The following PTPRD variants were observed in gnomAD, a reference collection of about 807,000 sequenced individuals.
The protein encoded by PTPRD is protein tyrosine phosphatase receptor type D.
Under a neutral mutation model 214.5 loss-of-function variants are expected in PTPRD, and 34 were observed. The ratio of observed to expected loss-of-function variants is 0.16; its 90% confidence interval spans 0.12 to 0.21. The LOEUF is 0.21. Ranked by LOEUF, PTPRD falls within the 10% of genes least tolerant of loss-of-function variation. The pLI is 1.00. For synonymous variants in PTPRD, 1,128 were observed against 845.7 expected, an observed-to-expected ratio of 1.33 and a Z score of -5.79; for missense variants, 2,545 against 2,398.7, an observed-to-expected ratio of 1.06 and a Z score of -1.27.
At chr9:9,076,289 T>C (rs898683953) in intron 10 of PTPRD, among the ~76,000 whole-genome samples, 3 of 152,170 alleles carry the variant, frequency 2.0e-5, no homozygotes, top group African/African-American at 7.2e-5. Context: ...TTCTGGATAT[T>C]AGCCCTTTGT....
chr9:8,478,523 G>A (rs894701514), intron 30 of PTPRD, among the ~76,000 whole-genome samples: 11 of 152,034 alleles, frequency 7.2e-5, no homozygotes, highest in African/African-American at 2.7e-4. Flanking sequence ...AGTATAATCT[G>A]TGTTGTGCAT....
chr9:9,985,395 C>G (rs2095674641), intron 4 of PTPRD, among the ~76,000 whole-genome samples: 1 of 152,168 alleles, frequency 6.6e-6, no homozygotes, highest in Admixed American at 6.5e-5. Flanking sequence ...ATTCTTTGAA[C>G]TGTAGCCATT....
chr9:8,378,854 A>T (rs894164689), intron 37 of PTPRD, among the ~76,000 whole-genome samples: 2 of 152,074 alleles, frequency 1.3e-5, no homozygotes, highest in Non-Finnish European at 2.9e-5. Context: ...CCTTCATACA[A>T]CTTTTGGAAA....
chr9:8,933,499 A>G (rs553570825), intron 11 of PTPRD, among the ~76,000 whole-genome samples: 2 of 152,098 alleles, frequency 1.3e-5, no homozygotes, highest in Admixed American at 6.5e-5. Flanking sequence ...GATACCAATA[A>G]CATGCTTCTC....
At chr9:10,079,773 A>G (rs2098202414) in intron 3 of PTPRD, among the ~76,000 whole-genome samples, 1 of 152,112 alleles carries the variant, frequency 6.6e-6, no homozygotes, top group Non-Finnish European at 1.5e-5. Flanking sequence ...TGTGATGTAT[A>G]CTCAGCAAAT....
chr9:9,892,942 T>C (rs2153785726), intron 5 of PTPRD, among the ~76,000 whole-genome samples: 1 of 152,142 alleles, frequency 6.6e-6, no homozygotes, highest in South Asian at 2.1e-4. Flanking sequence ...TTATGGCGTA[T>C]GTTGGGAAAA....
chr9:9,105,312 T>TGCTATGGAAGATG lies in PTPRD; in HGVS notation c.-143+77991_-143+77992insCATCTTCCATAGC, dbSNP rs751080297. On this transcript the variant is annotated intron_variant, in intron 10 of 45. Coordinates refer to ENST00000381196, the MANE Select transcript of PTPRD (RefSeq NM_002839.4). ...CCTTTCATACCTCTTCCATAGCTTT[T>TGCTATGGAAGATG]CAATGATTATGCATTGTTGATTTTG... is the stretch of plus-strand genomic sequence containing the variant. 1.6e-3 allele frequency among the ~76,000 whole-genome samples: 238 copies of TGCTATGGAAGATG among 151,068 alleles called. 1 individual carries two copies. The highest frequency in any genetic ancestry group is 3.4e-3 in the Admixed American group (51 of 14,930).
intron 8 of PTPRD, among the ~76,000 whole-genome samples, chr9:9,544,268 T>C (rs1424583425): frequency 6.6e-6 from 1 of 151,694 alleles, no homozygotes; most frequent in African/African-American, 2.4e-5. Flanking sequence ...CCATTTGTAA[T>C]ATTAATTTCT....
chr9:10,292,193 A>T (rs2095546506), intron 3 of PTPRD, among the ~76,000 whole-genome samples: 1 of 152,042 alleles, frequency 6.6e-6, no homozygotes, highest in Non-Finnish European at 1.5e-5. Flanking sequence ...CAAGTAAAAG[A>T]TACTGAGGAG....
At chr9:9,270,258 T>C (rs1287706286) in intron 9 of PTPRD, among the ~76,000 whole-genome samples, 2 of 151,278 alleles carry the variant, frequency 1.3e-5, no homozygotes, top group African/African-American at 4.8e-5. Flanking sequence ...ATTAAATAAA[T>C]AAGTAACATT....
intron 36 of PTPRD, among the ~76,000 whole-genome samples, chr9:8,401,002 G>C (rs976709156): frequency 2.0e-5 from 3 of 151,990 alleles, no homozygotes; most frequent in Non-Finnish European, 4.4e-5. Context: ...TCATCTTTTG[G>C]TTTGTCCATT....
intron 7 of PTPRD, among the ~76,000 whole-genome samples, chr9:9,618,553 G>C (rs1201104405): frequency 6.6e-6 from 1 of 152,078 alleles, no homozygotes; most frequent in African/African-American, 2.4e-5. Flanking sequence ...ATCTTGATGT[G>C]GAAAGGGTGG....
chr9:8,777,172 G>T (rs983614669), intron 11 of PTPRD, among the ~76,000 whole-genome samples: 6 of 151,598 alleles, frequency 4.0e-5, no homozygotes, highest in African/African-American at 1.5e-4. Flanking sequence ...AGAGATGGGG[G>T]TCTTACTATG....
chr9:8,922,958 T>G (rs1312321980), intron 11 of PTPRD, among the ~76,000 whole-genome samples: 1 of 151,886 alleles, frequency 6.6e-6, no homozygotes, highest in East Asian at 1.9e-4. Context: ...CCACTGCACC[T>G]GGCCCAAAGA....
intron 9 of PTPRD, among the ~76,000 whole-genome samples, chr9:9,267,749 AC>A (rs1413832085): frequency 6.6e-6 from 1 of 151,216 alleles, no homozygotes; most frequent in Admixed American, 6.6e-5. Flanking sequence ...TATGTGATAT[AC>A]CACATCAACA....
chr9:9,103,051 A>G (rs1185330319), intron 10 of PTPRD, among the ~76,000 whole-genome samples: 1 of 152,172 alleles, frequency 6.6e-6, no homozygotes, highest in Non-Finnish European at 1.5e-5. Flanking sequence ...GTAATCAAAC[A>G]GTTTTAAATT....
intron 9 of PTPRD, among the ~76,000 whole-genome samples, chr9:9,209,097 C>G (rs561422518): frequency 6.6e-6 from 1 of 152,062 alleles, no homozygotes; most frequent in African/African-American, 2.4e-5. Context: ...CTTGAGCCAC[C>G]GCGACCGGCT....
chr9:9,979,893 T>C (rs770828299), intron 4 of PTPRD, among the ~76,000 whole-genome samples: 16 of 152,036 alleles, frequency 1.1e-4, no homozygotes, highest in Non-Finnish European at 1.6e-4. Context: ...ACGGGCAAAA[T>C]ACGGGATGCT....
chr9:8,528,740 C>A lies in PTPRD; in HGVS notation c.392G>T (p.Gly131Val), dbSNP rs776929537. The change falls in exon 15 of 46, where the codon GGC becomes GTC. Residue 131 changes from glycine to valine, a missense_variant. By Grantham distance (109) the Gly-to-Val change is moderately radical (BLOSUM62 -3). Coordinates refer to ENST00000381196, the MANE Select transcript of PTPRD (RefSeq NM_002839.4). ...IPRGFPTIDMGPQLKVVERTR... is the reference protein window; with the variant it reads ...IPRGFPTIDMVPQLKVVERTR... ...ACGCTCAACCACCTTCAACTGTGGG[C>A]CCATGTCAATGGTAGGGAAGCCCCT... 1.2e-6 allele frequency: 2 copies of A among 1,613,436 alleles called. No homozygotes were observed. Among genetic ancestry groups the A allele is most frequent in the Non-Finnish European group, 1.7e-6 (2 of 1,179,628 alleles).
Sources: gnomAD v4.1 joint callset for allele counts (sites outside exome capture counted in the v4.1 genomes callset) on GRCh38, gnomAD v4.1.1 for gene constraint, MANE v1.5 for transcripts, NCBI Gene and HGNC (gene_info 2026-07-23, HGNC 2026-07-21) for gene names.